The following KCTD2 variants were observed in gnomAD, a reference collection of about 807,000 sequenced individuals.
The protein encoded by KCTD2 is BTB/POZ domain-containing protein KCTD2.
Under a neutral mutation model 27.9 loss-of-function variants are expected in KCTD2, and 18 were observed. The observed-to-expected ratio is 0.64, with a 90% CI of 0.45 to 0.96. The LOEUF is 0.96. Among genes scored for constraint, KCTD2 ranks in the 40% least tolerant of loss-of-function variants. The probability of loss-of-function intolerance (pLI) is 0.00; values close to 1 mark genes in which losing one functional copy is unlikely to be tolerated. For synonymous variants in KCTD2, 175 were observed against 148.4 expected (o/e 1.18, Z -1.30); for missense variants, 280 against 348.0 (o/e 0.80, Z 1.56).
At chr17:75,046,438 C>T (rs1246315376), upstream of KCTD2, among the ~76,000 whole-genome samples, 1 of 152,204 alleles carries the variant, frequency 6.6e-6, no homozygotes, top group African/African-American at 2.4e-5. Flanking sequence ...TAGAACAGAT[C>T]ATGCGCATAG....
chr17:75,057,594 C>G (rs1413329116), intron 3 of KCTD2, among the ~76,000 whole-genome samples: 1 of 142,396 alleles, frequency 7.0e-6, no homozygotes, highest in Non-Finnish European at 1.5e-5. Context: ...GAGTCTTACT[C>G]TGTCGCCCAG....
At chr17:75,062,906 T>C (rs2073419104) in intron 5 of KCTD2, 112 bp from the exon 6 acceptor site, 10 of 1,163,396 alleles carry the variant, frequency 8.6e-6, no homozygotes, top group Non-Finnish European at 8.9e-6. Flanking sequence ...CCTGCTTGCT[T>C]CCTGGGATGA....
upstream of KCTD2, among the ~76,000 whole-genome samples, chr17:75,043,589 GAC>G (rs1251927315): frequency 7.2e-6 from 1 of 139,772 alleles, no homozygotes; most frequent in African/African-American, 2.8e-5. Context: ...CTCCAGCCTG[GAC>G]ACAGAGTGAG....
intron 4 of KCTD2, 56 bp downstream of exon 4, chr17:75,059,661 T>C: frequency 1.5e-6 from 2 of 1,378,522 alleles, no homozygotes; most frequent in Middle Eastern, 1.8e-4. Context: ...TCTGCAGCTC[T>C]TCAAACAATC....
In KCTD2 at chr17:75,047,601, C is replaced by T. The variant is rs759142093; in HGVS notation, c.339+12C>T. ...TGGACTCAGACAAGGTGTGCCCCGC[C>T]CTCGGGCGCGCCCCCGGGCCTTCGA... On this transcript the variant is annotated intron_variant, in intron 1 of 5. Coordinates refer to ENST00000322444, the MANE Select transcript of KCTD2 (RefSeq NM_015353.3). 4.9e-5 allele frequency: 78 copies of T among 1,604,010 alleles called. No homozygotes were observed. The highest frequency in any genetic ancestry group is 3.0e-4 in the Admixed American group (18 of 59,430).
At chr17:75,061,804 G>A (rs1171989530) in intron 4 of KCTD2, among the ~76,000 whole-genome samples, 1 of 152,148 alleles carries the variant, frequency 6.6e-6, no homozygotes, top group Admixed American at 6.5e-5. Context: ...GTTGGCAGAT[G>A]CGTTCTGTCT....
At chr17:75,035,151 T>A (rs1458576584) in intron 2 of KCTD2, 1 of 152,060 alleles carries the variant, frequency 6.6e-6, no homozygotes, top group Non-Finnish European at 1.5e-5. Context: ...TGACTTCGGA[T>A]CAGAAGATTG....
intron 4 of KCTD2, among the ~76,000 whole-genome samples, chr17:75,060,042 G>C (rs965388400): frequency 1.6e-4 from 25 of 152,058 alleles, no homozygotes; most frequent in African/African-American, 3.9e-4. Flanking sequence ...GTGCTAGGAA[G>C]GATCAGGCGC....
At chr17:75,035,115 C>G (rs566835390) in intron 2 of KCTD2, 1 of 152,154 alleles carries the variant, frequency 6.6e-6, no homozygotes, top group African/African-American at 2.4e-5. Context: ...CAGCCGGAGA[C>G]CGCGTGGCCT....
chr17:75,062,098 C>T (rs571877089), intron 4 of KCTD2, 22 bp from the exon 5 acceptor site: 1 of 1,613,244 alleles, frequency 6.2e-7, no homozygotes, highest in Non-Finnish European at 8.5e-7. Context: ...CATGAATGTT[C>T]ACTGTATTCT....
At chr17:75,049,843 C>T (rs114786710) in intron 2 of KCTD2, among the ~76,000 whole-genome samples, 2,485 of 152,226 alleles carry the variant, frequency 0.016, 54 homozygotes, top group African/African-American at 0.056. Context: ...CATTACTTGC[C>T]TCATCTTTGT....
At position 75,064,409 on chromosome 17, in the gene KCTD2, C is replaced by A. The variant is rs554719440; in HGVS notation, c.*1362C>A. ...GGGACTTCTCCTTCTATGAAAGCCT[C>A]CTCGAGCCAGGTGCTCCTGGGCACC... is the stretch of plus-strand genomic sequence containing the variant. On this transcript the variant is annotated 3_prime_UTR_variant, in exon 6 of 6. Coordinates refer to ENST00000322444, the MANE Select transcript of KCTD2 (RefSeq NM_015353.3). 1 of 152,402 alleles carries A rather than the reference C, an allele frequency of 6.6e-6. No homozygotes were observed. The highest frequency in any genetic ancestry group is 1.9e-4 in the East Asian group (1 of 5,192). The allele number at this position is 152,402 out of a possible 1,614,324, so 9.4% of individuals were successfully genotyped here. A position where few individuals can be genotyped will look rare whatever the true frequency, so the allele number is the denominator to read the frequency against.
upstream of KCTD2, among the ~76,000 whole-genome samples, chr17:75,046,443 G>A (rs190934148): frequency 1.4e-3 from 213 of 152,302 alleles, 1 homozygote; most frequent in Non-Finnish European, 2.3e-3. Context: ...CAGATCATGC[G>A]CATAGGAGGT....
At chr17:75,039,378 T>C in intron 3 of KCTD2, 5 of 994,900 alleles carry the variant, frequency 5.0e-6, no homozygotes, top group East Asian at 2.4e-5. Context: ...TATTGCTCTA[T>C]GGAGAAACTG....
Position 75,038,848 on chromosome 17 carries a change from A to C in KCTD2, c.-259+3491A>C, listed in dbSNP as rs563219492. ...CTTAATTATCTCAACCACAGAGAAG[A>C]AGCACACCCAGAACTGTATAATTAT... On this transcript the variant is annotated intron_variant, in intron 3 of 7. Coordinates refer to the KCTD2 transcript ENST00000581589. The C allele has an allele frequency of 2.1e-5, 30 of 1,434,368 alleles. No homozygotes were observed. The African/African-American group carries it at 2.9e-4, about 14-fold the overall frequency. The allele number at this position is 1,434,368 out of a possible 1,614,324, so 88.9% of individuals were successfully genotyped here. A position where few individuals can be genotyped will look rare whatever the true frequency, so the allele number is the denominator to read the frequency against.
chr17:75,039,851 C>G, intron 3 of KCTD2: 1 of 521,548 alleles, frequency 1.9e-6, no homozygotes, highest in Non-Finnish European at 3.4e-6. Flanking sequence ...TGTAGACAAA[C>G]TACATTTTCT....
At chr17:75,033,859 G>A (rs547861964) in intron 1 of KCTD2, among the ~76,000 whole-genome samples, 4 of 152,364 alleles carry the variant, frequency 2.6e-5, no homozygotes, top group Admixed American at 2.6e-4. Context: ...TAGGAAAAGG[G>A]GACACTCGCT....
At chr17:75,045,290 C>T (rs1469703133), upstream of KCTD2, among the ~76,000 whole-genome samples, 3 of 152,180 alleles carry the variant, frequency 2.0e-5, no homozygotes, top group Admixed American at 1.3e-4. Context: ...ATCACAAGAC[C>T]ACAGGACCAG....
At chr17:75,054,534 G>T (rs972286374) in intron 3 of KCTD2, among the ~76,000 whole-genome samples, 20 of 152,166 alleles carry the variant, frequency 1.3e-4, no homozygotes, top group African/African-American at 4.6e-4. Flanking sequence ...GGCCGGGCGC[G>T]GTGGCTCACG....
Sources: allele counts gnomAD v4.1 joint callset (sites outside exome capture counted in the v4.1 genomes callset), GRCh38; gene constraint gnomAD v4.1.1; transcripts MANE v1.5; gene names NCBI Gene and HGNC (gene_info 2026-07-23, HGNC 2026-07-21).